Variants in ADD3 observed in about 807,000 individuals in gnomAD.
ADD3 encodes gamma-adducin.
ADD3 carries 25 observed loss-of-function variants against 80.2 expected under a neutral mutation model. That is an observed-to-expected ratio of 0.31 (90% CI 0.23 to 0.44). The LOEUF is 0.44. Ranked by LOEUF, ADD3 falls within the 20% of genes least tolerant of loss-of-function variation. ADD3 has a pLI of 1.00. For missense variants in ADD3, 829 were observed against 847.5 expected, an observed-to-expected ratio of 0.98 and a Z score of 0.27; for synonymous variants, 284 against 289.6, an observed-to-expected ratio of 0.98 and a Z score of 0.20.
chr10:110,061,286 C>T (rs1858854459), intron 1 of ADD3, among the ~76,000 whole-genome samples: 1 of 152,142 alleles, frequency 6.6e-6, no homozygotes, highest in African/African-American at 2.4e-5. Flanking sequence ...TAGAGAGGGA[C>T]TTATGGGATT....
intron 9 of ADD3, among the ~76,000 whole-genome samples, chr10:110,123,424 C>G (rs1851755671): frequency 6.6e-6 from 1 of 152,200 alleles, no homozygotes; most frequent in Admixed American, 6.5e-5. Context: ...GACATGCCAT[C>G]TCGTGCTTTA....
rs189755997 is a variant in ADD3, at chr10:110,116,563, C to A, written c.486+153C>A. Among the ~76,000 whole-genome samples, 4 of 152,222 alleles carry A rather than the reference C, an allele frequency of 2.6e-5. No homozygotes were observed. In the East Asian group the frequency reaches 7.7e-4, roughly 29 times the overall value. On this transcript the variant is annotated intron_variant, in intron 4 of 14. Coordinates refer to ENST00000356080, the MANE Select transcript of ADD3 (RefSeq NM_016824.5). ...CCAAATACTGATTTAAACCTTATAC[C>A]CAAGGGAGAGGCTCCAATTCCCCCA...
chr10:110,052,613 C>T (rs1857648461), intron 1 of ADD3, among the ~76,000 whole-genome samples: 1 of 152,176 alleles, frequency 6.6e-6, no homozygotes, highest in South Asian at 2.1e-4. Context: ...AAGTTGGGGA[C>T]CGATGGTCTA....
intron 1 of ADD3, among the ~76,000 whole-genome samples, chr10:110,057,892 G>T (rs921195880): frequency 6.6e-6 from 1 of 152,166 alleles, no homozygotes; most frequent in African/African-American, 2.4e-5. Context: ...GGATTCTTTT[G>T]TGTATGTATG....
At chr10:110,090,010 C>G (rs1847273993) in intron 1 of ADD3, among the ~76,000 whole-genome samples, 1 of 152,122 alleles carries the variant, frequency 6.6e-6, no homozygotes, top group Non-Finnish European at 1.5e-5. Context: ...AACTGCCTCT[C>G]TTCCTCTCCC....
At chr10:110,046,030 T>C (rs1856870144) in intron 1 of ADD3, among the ~76,000 whole-genome samples, 1 of 152,174 alleles carries the variant, frequency 6.6e-6, no homozygotes, top group African/African-American at 2.4e-5. Context: ...AATGCAGAAA[T>C]GTAAACCTTG....
intron 1 of ADD3, among the ~76,000 whole-genome samples, chr10:110,063,723 AATATATATATTCATT>A (rs1433336139): frequency 7.1e-4 from 70 of 98,986 alleles, no homozygotes; most frequent in Middle Eastern, 5.6e-3. Context: ...GATGAATATG[AATATATATATTCATT>A]ATATATATAT....
intron 2 of ADD3, among the ~76,000 whole-genome samples, chr10:110,110,981 C>CG (rs755615678): frequency 3.3e-5 from 5 of 150,604 alleles, no homozygotes; most frequent in South Asian, 2.1e-4. Flanking sequence ...GGCAACAGAG[C>CG]GGAAAAAAAA....
intron 1 of ADD3, among the ~76,000 whole-genome samples, chr10:110,015,615 C>T (rs973714704): frequency 7.3e-5 from 11 of 149,846 alleles, no homozygotes; most frequent in African/African-American, 2.4e-4. Context: ...ACCTCGTGAT[C>T]CGTCCGCCTC....
chr10:110,010,731 G>A (rs1852240658), intron 1 of ADD3, among the ~76,000 whole-genome samples: 2 of 152,194 alleles, frequency 1.3e-5, no homozygotes, highest in Non-Finnish European at 2.9e-5. Context: ...GAGAGGTTAA[G>A]TATCTTCCCA....
chr10:110,054,849 C>T (rs1589898341), intron 1 of ADD3, among the ~76,000 whole-genome samples: 2 of 152,052 alleles, frequency 1.3e-5, no homozygotes, highest in Admixed American at 6.6e-5. Context: ...CTCCTGACCT[C>T]GTGATCTGCC....
At chr10:110,123,970 T>C (rs751736674) in intron 9 of ADD3, 47 bp from the exon 10 acceptor site, 3 of 1,576,036 alleles carry the variant, frequency 1.9e-6, no homozygotes, top group Non-Finnish European at 2.6e-6. Flanking sequence ...CAAATGCTGT[T>C]ATTGATACAG....
intron 1 of ADD3, among the ~76,000 whole-genome samples, chr10:110,025,595 A>G (rs1173676699): frequency 6.6e-6 from 1 of 151,912 alleles, no homozygotes; most frequent in Non-Finnish European, 1.5e-5. Context: ...AGAGAGGGTG[A>G]TAAAATCTAG....
chr10:110,016,865 G>C (rs149911841), intron 1 of ADD3, among the ~76,000 whole-genome samples: 10 of 152,308 alleles, frequency 6.6e-5, no homozygotes, highest in African/African-American at 2.4e-4. Context: ...TTACAGGTCA[G>C]TGGAGGTTTA....
chr10:110,110,564 TTCACATCATG>T (rs1849890328), intron 2 of ADD3, among the ~76,000 whole-genome samples: 1 of 152,116 alleles, frequency 6.6e-6, no homozygotes. Flanking sequence ...GCTCTTAGAG[TTCACATCATG>T]GAAACTTCTC....
intron 1 of ADD3, among the ~76,000 whole-genome samples, chr10:110,081,438 G>T (rs1395850367): frequency 2.0e-5 from 3 of 151,882 alleles, no homozygotes; most frequent in Non-Finnish European, 4.4e-5. Flanking sequence ...TTGGAACTTG[G>T]CAAAAAATAT....
At chr10:110,018,794 C>G (rs1853303831) in intron 1 of ADD3, among the ~76,000 whole-genome samples, 1 of 152,104 alleles carries the variant, frequency 6.6e-6, no homozygotes, top group Non-Finnish European at 1.5e-5. Flanking sequence ...GTGCCAAGGA[C>G]TGGCCTCCCT....
At chr10:110,078,750 T>C (rs10787224) in intron 1 of ADD3, among the ~76,000 whole-genome samples, 81,915 of 152,008 alleles carry the variant, frequency 0.54, 24,242 homozygotes, top group East Asian at 0.78. Context: ...ACACAGAAAA[T>C]GCTATTTTCT....
chr10:110,102,160 G>A (rs1042663827), intron 2 of ADD3, among the ~76,000 whole-genome samples: 3 of 152,152 alleles, frequency 2.0e-5, no homozygotes, highest in Middle Eastern at 3.2e-3. Context: ...CAAATGGAAA[G>A]ATTCATCAGA....
Sources: gnomAD v4.1 joint callset for allele counts (sites outside exome capture counted in the v4.1 genomes callset) on GRCh38, gnomAD v4.1.1 for gene constraint, MANE v1.5 for transcripts, NCBI Gene and HGNC (gene_info 2026-07-23, HGNC 2026-07-21) for gene names.